PTPRM: variants seen among roughly 807,000 people sequenced by gnomAD.
PTPRM encodes receptor-type tyrosine-protein phosphatase mu.
A neutral mutation model predicts 186.7 loss-of-function variants in PTPRM; 47 were observed. That is an observed-to-expected ratio of 0.25 (90% CI 0.20 to 0.32). PTPRM has a LOEUF of 0.32. PTPRM is among the 10% of genes least tolerant of loss of function. The probability of loss-of-function intolerance (pLI) is 1.00; values close to 1 mark genes in which losing one functional copy is unlikely to be tolerated. For missense variants in PTPRM, 1,494 were observed against 1,865.0 expected, an observed-to-expected ratio of 0.80 and a Z score of 3.66; for synonymous variants, 668 against 674.9, an observed-to-expected ratio of 0.99 and a Z score of 0.16.
rs112525660 is a variant in PTPRM at position 8,100,875 on chromosome 18, T to C, written c.1856+12024T>C. 4.6e-5 allele frequency among the ~76,000 whole-genome samples: 7 copies of C among 152,364 alleles called. 1 individual carries two copies. The highest frequency in any genetic ancestry group is 1.7e-4 in the African/African-American group (7 of 41,590). On this transcript the variant is annotated intron_variant, in intron 11 of 32. Coordinates refer to ENST00000580170, the MANE Select transcript of PTPRM (RefSeq NM_001105244.2). ...CGCTTTTAGTAATACACTTAAAATT[T>C]CCTATCATTACTGCCTTTTATCTTC...
intron 7 of PTPRM, among the ~76,000 whole-genome samples, chr18:7,961,801 GT>G (rs1199582052): frequency 1.4e-5 from 2 of 144,654 alleles, no homozygotes; most frequent in Non-Finnish European, 3.1e-5. Context: ...AAGCGATAGT[GT>G]TTTTATAACT....
At chr18:8,106,032 T>C (rs929925466) in intron 11 of PTPRM, among the ~76,000 whole-genome samples, 1 of 152,158 alleles carries the variant, frequency 6.6e-6, no homozygotes, top group Non-Finnish European at 1.5e-5. Context: ...CACCCTCAGG[T>C]ACCTCCTTCT....
At chr18:7,626,601 AG>A (rs1160065012) in intron 1 of PTPRM, among the ~76,000 whole-genome samples, 1 of 152,150 alleles carries the variant, frequency 6.6e-6, no homozygotes, top group Non-Finnish European at 1.5e-5. Flanking sequence ...CTAGGTTAGC[AG>A]TGAGGTTGTC....
chr18:8,245,430 C>A (rs567874112), intron 15 of PTPRM, among the ~76,000 whole-genome samples: 1 of 152,118 alleles, frequency 6.6e-6, no homozygotes, highest in African/African-American at 2.4e-5. Flanking sequence ...TCTTTCTTTA[C>A]CCTTTCCTGT....
intron 2 of PTPRM, among the ~76,000 whole-genome samples, chr18:7,835,665 T>C (rs1410792555): frequency 6.6e-6 from 1 of 152,098 alleles, no homozygotes; most frequent in Non-Finnish European, 1.5e-5. Flanking sequence ...GAAAGTGGGA[T>C]GTTGATATCT....
intron 1 of PTPRM, among the ~76,000 whole-genome samples, chr18:7,704,454 T>C (rs2040031701): frequency 6.6e-6 from 1 of 152,192 alleles, no homozygotes; most frequent in Admixed American, 6.5e-5. Context: ...TCTAGTTTAT[T>C]TGCGTAGAGG....
rs150369734 is a variant in PTPRM, at chr18:7,569,712, A to G, written c.73+1821A>G. Among the ~76,000 whole-genome samples the G allele has an allele frequency of 5.9e-5, 9 of 152,318 alleles. No homozygotes were observed. The East Asian group carries it at 1.5e-3, about 26-fold the overall frequency. ...CATGGGTTCCTCATCACCAAAAAGG[A>G]TTTCAGCCTCAGTTGTACTGACCCA... On this transcript the variant is annotated intron_variant, in intron 1 of 32. Transcript: ENST00000580170.
chr18:7,909,570 T>G (rs2050161002), intron 4 of PTPRM, among the ~76,000 whole-genome samples: 1 of 152,246 alleles, frequency 6.6e-6, no homozygotes, highest in South Asian at 2.1e-4. Context: ...TTTTATGAGC[T>G]TTCTTATCAG....
chr18:7,675,778 A>C (rs2039321162), intron 1 of PTPRM, among the ~76,000 whole-genome samples: 1 of 149,008 alleles, frequency 6.7e-6, no homozygotes, highest in South Asian at 2.1e-4. Context: ...TCTGTTGCCC[A>C]GGCTAGAGTG....
intron 20 of PTPRM, among the ~76,000 whole-genome samples, chr18:8,308,024 A>T (rs1044686588): frequency 1.3e-5 from 2 of 152,030 alleles, no homozygotes; most frequent in African/African-American, 4.8e-5. Flanking sequence ...GAAAAATTAG[A>T]CTTTTTTTAT....
chr18:7,656,053 T>C (rs2038839365), intron 1 of PTPRM, among the ~76,000 whole-genome samples: 1 of 152,158 alleles, frequency 6.6e-6, no homozygotes, highest in South Asian at 2.1e-4. Context: ...GATCCAACAT[T>C]GGATGCAACA....
intron 9 of PTPRM, among the ~76,000 whole-genome samples, chr18:8,080,882 T>C (rs2090092709): frequency 6.6e-6 from 1 of 152,188 alleles, no homozygotes; most frequent in Non-Finnish European, 1.5e-5. Context: ...TTAGATTCAT[T>C]CTGCCTGTGC....
At chr18:7,670,355 T>C (rs1282415955) in intron 1 of PTPRM, among the ~76,000 whole-genome samples, 3 of 152,342 alleles carry the variant, frequency 2.0e-5, no homozygotes, top group East Asian at 1.9e-4. Context: ...TTTTTACTTA[T>C]ATAGATTCTG....
At chr18:7,783,370 G>A (rs188536217) in intron 2 of PTPRM, among the ~76,000 whole-genome samples, 1 of 152,262 alleles carries the variant, frequency 6.6e-6, no homozygotes, top group Admixed American at 6.5e-5. Flanking sequence ...TTGGCAATAT[G>A]AGTCAAGAAA....
At chr18:7,581,936 AGGCATGGGACACCCCACCT>A (rs2036856649) in intron 1 of PTPRM, among the ~76,000 whole-genome samples, 9 of 152,156 alleles carry the variant, frequency 5.9e-5, no homozygotes, top group Admixed American at 5.9e-4. Context: ...TTGGGGTTAC[AGGCATGGGACACCCCACCT>A]GGCATAAAAT....
At chr18:8,130,825 T>C (rs1275382687) in intron 13 of PTPRM, among the ~76,000 whole-genome samples, 1 of 152,204 alleles carries the variant, frequency 6.6e-6, no homozygotes, top group Non-Finnish European at 1.5e-5. Context: ...AAGTAGTGGG[T>C]TCAAGTCCAG....
chr18:8,030,520 G>A (rs778057417), intron 7 of PTPRM, among the ~76,000 whole-genome samples: 1 of 152,168 alleles, frequency 6.6e-6, no homozygotes, highest in Non-Finnish European at 1.5e-5. Context: ...TGCGTGTTCC[G>A]ATAGTAATAG....
chr18:7,846,435 G>A (rs959100488), intron 2 of PTPRM, among the ~76,000 whole-genome samples: 7 of 152,188 alleles, frequency 4.6e-5, no homozygotes, highest in African/African-American at 1.7e-4. Flanking sequence ...TTGCTATAAC[G>A]AGTAAGAACT....
chr18:7,876,323 T>C (rs993418793), intron 2 of PTPRM, among the ~76,000 whole-genome samples: 2 of 152,178 alleles, frequency 1.3e-5, no homozygotes, highest in Non-Finnish European at 2.9e-5. Context: ...TATAACATGA[T>C]CCAAAATTCA....
Sources: gnomAD v4.1 joint callset for allele counts (sites outside exome capture counted in the v4.1 genomes callset) on GRCh38, gnomAD v4.1.1 for gene constraint, MANE v1.5 for transcripts, NCBI Gene and HGNC (gene_info 2026-07-23, HGNC 2026-07-21) for gene names.